The following FSTL5 variants were observed in gnomAD, a reference collection of about 807,000 sequenced individuals.
The protein encoded by FSTL5 is follistatin-related protein 5.
A neutral mutation model predicts 89.1 loss-of-function variants in FSTL5; 62 were observed. That is an observed-to-expected ratio of 0.70 (90% CI 0.57 to 0.86). FSTL5 has a LOEUF of 0.86. FSTL5 is among the 40% of genes least tolerant of loss of function. FSTL5 has a pLI of 0.00. For missense variants in FSTL5, 1,057 were observed against 1,001.6 expected (o/e 1.06, Z -0.75); for synonymous variants, 383 against 346.2 (o/e 1.11, Z -1.18).
At chr4:161,462,265 T>C (rs1733608217) in intron 13 of FSTL5, among the ~76,000 whole-genome samples, 1 of 152,196 alleles carries the variant, frequency 6.6e-6, no homozygotes. Context: ...CACTCCCTCT[T>C]AGTTGATTGT....
intron 15 of FSTL5, among the ~76,000 whole-genome samples, chr4:161,400,502 C>T (rs2110903866): frequency 6.6e-6 from 1 of 151,956 alleles, no homozygotes; most frequent in Non-Finnish European, 1.5e-5. Context: ...AAGTACGGAG[C>T]AAGATAGACA....
intron 4 of FSTL5, among the ~76,000 whole-genome samples, chr4:161,796,270 G>T (rs1353238503): frequency 6.6e-6 from 1 of 151,644 alleles, no homozygotes; most frequent in Non-Finnish European, 1.5e-5. Context: ...TGAACTCCTT[G>T]ATCAGCACAA....
At chr4:161,421,144 A>G (rs1731977274) in intron 15 of FSTL5, among the ~76,000 whole-genome samples, 2 of 152,092 alleles carry the variant, frequency 1.3e-5, no homozygotes, top group South Asian at 4.1e-4. Flanking sequence ...GATCGAGACC[A>G]TCCTGGCTAA....
intron 13 of FSTL5, among the ~76,000 whole-genome samples, chr4:161,460,304 A>T (rs1733513784): frequency 6.6e-6 from 1 of 151,130 alleles, no homozygotes; most frequent in African/African-American, 2.4e-5. Flanking sequence ...TTTGTCACAT[A>T]TGTATACATG....
intron 8 of FSTL5, among the ~76,000 whole-genome samples, chr4:161,571,118 A>T (rs1268435303): frequency 6.6e-6 from 1 of 152,034 alleles, no homozygotes; most frequent in East Asian, 1.9e-4. Context: ...AAAAAAAAAA[A>T]TAGACTCCAA....
chr4:161,827,681 A>G (rs1453766007), intron 4 of FSTL5, among the ~76,000 whole-genome samples: 1 of 152,150 alleles, frequency 6.6e-6, no homozygotes. Context: ...TTATGTTCCC[A>G]GGGGAATTTT....
intron 1 of FSTL5, among the ~76,000 whole-genome samples, chr4:162,117,575 G>C (rs770478909): frequency 5.3e-5 from 8 of 152,128 alleles, no homozygotes; most frequent in Non-Finnish European, 1.2e-4. Context: ...CTGTCAGGCA[G>C]GTTTAGTCGA....
chr4:162,052,762 A>G (rs988405960), intron 2 of FSTL5, among the ~76,000 whole-genome samples: 3 of 151,860 alleles, frequency 2.0e-5, no homozygotes, highest in African/African-American at 7.2e-5. Context: ...AACAGCATAA[A>G]AGCACACACT....
intron 15 of FSTL5, among the ~76,000 whole-genome samples, chr4:161,414,691 AG>A (rs1223819640): frequency 6.6e-6 from 1 of 152,228 alleles, no homozygotes; most frequent in African/African-American, 2.4e-5. Flanking sequence ...CAATCCCAAA[AG>A]CAAATTAACT....
intron 4 of FSTL5, among the ~76,000 whole-genome samples, chr4:161,819,552 C>T (rs1170222937): frequency 6.6e-6 from 1 of 151,960 alleles, no homozygotes; most frequent in Non-Finnish European, 1.5e-5. Flanking sequence ...TTGAAATAGA[C>T]ATAGAGTGTG....
In FSTL5 at chr4:161,613,541, C is replaced by T. The variant is rs371592078; in HGVS notation, c.895-25966G>A. Among the ~76,000 whole-genome samples, 9 of 151,602 alleles carry T rather than the reference C, an allele frequency of 5.9e-5. No individual in the cohort carries two copies. In the East Asian group the frequency reaches 7.8e-4, roughly 13 times the overall value. ...TGGTTAGAGAAAGGCAGGAAGAGGG[C>T]GATTAGATAGTGTAGGATGGGAGTG... is the stretch of plus-strand genomic sequence containing the variant. On this transcript the variant is annotated intron_variant, in intron 7 of 15. Transcript: ENST00000306100.
chr4:161,412,569 C>T (rs748953038), intron 15 of FSTL5, among the ~76,000 whole-genome samples: 1 of 152,010 alleles, frequency 6.6e-6, no homozygotes, highest in Non-Finnish European at 1.5e-5. Context: ...TTAATGGGTG[C>T]AGCAAACCAA....
At chr4:162,069,580 T>G (rs1729519665) in intron 2 of FSTL5, among the ~76,000 whole-genome samples, 1 of 151,918 alleles carries the variant, frequency 6.6e-6, no homozygotes, top group African/African-American at 2.4e-5. Flanking sequence ...TAACCACAAT[T>G]CTGCTCTCTA....
At chr4:161,605,037 G>A (rs777054462) in intron 7 of FSTL5, among the ~76,000 whole-genome samples, 1 of 152,148 alleles carries the variant, frequency 6.6e-6, no homozygotes, top group Non-Finnish European at 1.5e-5. Context: ...CAGGGAAAAT[G>A]CCAAGCTAAG....
At chr4:161,787,584 A>C (rs1221263200) in intron 4 of FSTL5, among the ~76,000 whole-genome samples, 3 of 152,144 alleles carry the variant, frequency 2.0e-5, no homozygotes, top group African/African-American at 7.2e-5. Flanking sequence ...AAAGTATATA[A>C]CTATTGCAAA....
At chr4:161,918,923 G>T (rs558560548) in intron 4 of FSTL5, among the ~76,000 whole-genome samples, 12 of 151,978 alleles carry the variant, frequency 7.9e-5, no homozygotes, top group African/African-American at 2.9e-4. Flanking sequence ...GATTACCAGG[G>T]TGAGCCACCA....
chr4:162,151,132 G>T (rs902418518), intron 1 of FSTL5, among the ~76,000 whole-genome samples: 2 of 151,878 alleles, frequency 1.3e-5, no homozygotes, highest in Non-Finnish European at 2.9e-5. Flanking sequence ...TCCAATGGAG[G>T]TATTCAACTG....
At chr4:161,615,021 G>T (rs537032101) in intron 7 of FSTL5, among the ~76,000 whole-genome samples, 11 of 152,080 alleles carry the variant, frequency 7.2e-5, no homozygotes, top group Admixed American at 6.5e-4. Flanking sequence ...TTGGCTGGGC[G>T]CGGTGGCTCA....
intron 13 of FSTL5, among the ~76,000 whole-genome samples, chr4:161,459,694 T>C (rs1368120803): frequency 6.6e-6 from 1 of 151,986 alleles, no homozygotes; most frequent in Admixed American, 6.6e-5. Flanking sequence ...AATATATTCA[T>C]TTTAATTAAG....
Sources: gnomAD v4.1 joint callset for allele counts (sites outside exome capture counted in the v4.1 genomes callset) on GRCh38, gnomAD v4.1.1 for gene constraint, MANE v1.5 for transcripts, NCBI Gene and HGNC (gene_info 2026-07-23, HGNC 2026-07-21) for gene names.